Variants in TBC1D14 observed in about 807,000 individuals in gnomAD.
The protein encoded by TBC1D14 is TBC1 domain family, member 14.
TBC1D14 carries 26 observed loss-of-function variants against 79.0 expected under a neutral mutation model. The ratio of observed to expected loss-of-function variants is 0.33; its 90% CI spans 0.24 to 0.46. The LOEUF (loss-of-function observed/expected upper bound fraction) is 0.46, where lower values mean the gene tolerates loss of function less well. Among genes scored for constraint, TBC1D14 ranks in the 20% least tolerant of loss-of-function variants. TBC1D14 has a pLI of 1.00. For missense variants in TBC1D14, 769 were observed against 887.6 expected (o/e 0.87, Z 1.70); for synonymous variants, 394 against 349.9 (o/e 1.13, Z -1.40).
rs374338047 is a variant in TBC1D14 at position 6,987,008 on chromosome 4, T to G, written c.844-7176T>G. 1.2e-3 allele frequency among the ~76,000 whole-genome samples: 183 copies of G among 152,324 alleles called. 3 individuals carry two copies. The East Asian group carries it at 0.031, about 26-fold the overall frequency. ...CTCGGGTGATCTTTAAGGCAGAAGCTGGCTCTCCGCCTGTCGGCGCGCGTC... is the reference window on the plus strand; with the variant it reads ...CTCGGGTGATCTTTAAGGCAGAAGCGGGCTCTCCGCCTGTCGGCGCGCGTC... On this transcript the variant is annotated intron_variant, in intron 3 of 13. Transcript: ENST00000409757.
chr4:6,939,442 G>A (rs1191561588), intron 2 of TBC1D14, among the ~76,000 whole-genome samples: 10 of 151,828 alleles, frequency 6.6e-5, no homozygotes, highest in Non-Finnish European at 1.5e-4. Flanking sequence ...CGCACCCCTC[G>A]AGGGACTGCC....
chr4:6,953,862 C>T (rs894777761), intron 2 of TBC1D14, among the ~76,000 whole-genome samples: 1 of 152,146 alleles, frequency 6.6e-6, no homozygotes, highest in African/African-American at 2.4e-5. Context: ...TGCAGACGCT[C>T]AGGAAGCGCT....
chr4:7,020,665 A>G (rs948217981), intron 12 of TBC1D14, among the ~76,000 whole-genome samples: 6 of 152,152 alleles, frequency 3.9e-5, no homozygotes, highest in Non-Finnish European at 8.8e-5. Context: ...GCTTTTCCAC[A>G]GCCTCCCTTT....
intron 3 of TBC1D14, chr4:6,987,212 C>T: frequency 8.1e-7 from 1 of 1,237,934 alleles, no homozygotes; most frequent in Non-Finnish European, 1.0e-6. Flanking sequence ...GCCTGCCGCC[C>T]CGCCCCGCCC....
At chr4:6,913,552 G>A (rs1440047210) in intron 1 of TBC1D14, among the ~76,000 whole-genome samples, 1 of 152,158 alleles carries the variant, frequency 6.6e-6, no homozygotes, top group Non-Finnish European at 1.5e-5. Flanking sequence ...GCGTGACTTA[G>A]CCTCTCTGAA....
At chr4:7,014,039 G>A (rs996536773) in intron 11 of TBC1D14, among the ~76,000 whole-genome samples, 2 of 152,286 alleles carry the variant, frequency 1.3e-5, no homozygotes, top group African/African-American at 4.8e-5. Context: ...GTGAGCCACC[G>A]CACCCGGCCT....
At chr4:6,944,698 C>T (rs548505349) in intron 2 of TBC1D14, among the ~76,000 whole-genome samples, 68 of 152,312 alleles carry the variant, frequency 4.5e-4, no homozygotes, top group African/African-American at 1.6e-3. Context: ...TAGTCCTCCC[C>T]GGGTCCTCTG....
chr4:6,934,594 C>T (rs191272016), intron 2 of TBC1D14, among the ~76,000 whole-genome samples: 1 of 151,284 alleles, frequency 6.6e-6, no homozygotes, highest in Non-Finnish European at 1.5e-5. Flanking sequence ...GGAGGCAGAG[C>T]TTGCAGTGGG....
chr4:6,988,700 C>T (rs965639213), intron 3 of TBC1D14, among the ~76,000 whole-genome samples: 4 of 152,152 alleles, frequency 2.6e-5, no homozygotes, highest in African/African-American at 9.7e-5. Context: ...ATGACCCTTT[C>T]CTCTTCTAGG....
At chr4:6,918,162 G>C (rs1560239895) in intron 1 of TBC1D14, among the ~76,000 whole-genome samples, 1 of 152,184 alleles carries the variant, frequency 6.6e-6, no homozygotes, top group Non-Finnish European at 1.5e-5. Flanking sequence ...AGATGGCTTT[G>C]GGCTCTGCCA....
chr4:6,977,514 C>T (rs1304224853), intron 3 of TBC1D14, among the ~76,000 whole-genome samples: 6 of 149,238 alleles, frequency 4.0e-5, no homozygotes, highest in African/African-American at 9.9e-5. Flanking sequence ...CGCAAAGTGC[C>T]GAGATTGCAG....
At chr4:6,910,966 C>T (rs1247025720) in intron 1 of TBC1D14, among the ~76,000 whole-genome samples, 1 of 152,150 alleles carries the variant, frequency 6.6e-6, no homozygotes, top group Non-Finnish European at 1.5e-5. Flanking sequence ...TGCTCACTGT[C>T]TTGTCCCCAG....
chr4:6,911,626 C>G (rs1723001413), intron 1 of TBC1D14, among the ~76,000 whole-genome samples: 1 of 152,394 alleles, frequency 6.6e-6, no homozygotes, highest in Middle Eastern at 3.4e-3. Context: ...GTCTCCACCC[C>G]ACTCCCCGTT....
chr4:6,979,446 T>G (rs959537263), intron 3 of TBC1D14, among the ~76,000 whole-genome samples: 3 of 152,128 alleles, frequency 2.0e-5, no homozygotes, highest in African/African-American at 4.8e-5. Context: ...ATAAGCATAG[T>G]GAGACCCTGT....
intron 4 of TBC1D14, chr4:6,995,242 A>G (rs1359189319): frequency 6.6e-6 from 1 of 152,240 alleles, no homozygotes; most frequent in Admixed American, 6.5e-5. Context: ...ATCTGTGTAT[A>G]TGTCAAAAAA....
intron 3 of TBC1D14, chr4:6,987,079 CCCCGCCCCTTGTG>C: frequency 3.3e-6 from 3 of 916,800 alleles, no homozygotes; most frequent in Non-Finnish European, 4.1e-6. Flanking sequence ...GACGCCCCAG[CCCCGCCCCTTGTG>C]CCCGCCCCTC....
intron 2 of TBC1D14, among the ~76,000 whole-genome samples, chr4:6,925,503 T>C (rs1414226346): frequency 1.3e-5 from 2 of 152,140 alleles, no homozygotes; most frequent in South Asian, 4.1e-4. Flanking sequence ...ACATTACCAC[T>C]GCCTTAGTTG....
chr4:6,923,631 G>C lies in TBC1D14; in HGVS notation c.242G>C (p.Cys81Ser). The change falls in exon 2 of 14, where the codon TGC (cysteine) becomes TCC (serine). Residue 81 changes from cysteine (C) to serine (S), a missense_variant. Cys to Ser is a moderately radical substitution (Grantham distance 112, BLOSUM62 -1). Transcript: ENST00000409757. ...LEIGNPEPVP[C>S]SAVHVRRKQS... is the part of the protein sequence containing the mutation. ...ATCGGGAACCCGGAGCCTGTACCCT[G>C]CAGCGCGGTCCACGTGAGGAGGAAG... 6.2e-7 allele frequency: 1 copy of C among 1,613,978 alleles called. No homozygotes were observed. The highest frequency in any genetic ancestry group is 8.5e-7 in the Non-Finnish European group (1 of 1,180,032).
At chr4:6,955,775 C>G (rs1714574044) in intron 2 of TBC1D14, among the ~76,000 whole-genome samples, 1 of 152,152 alleles carries the variant, frequency 6.6e-6, no homozygotes, top group African/African-American at 2.4e-5. Context: ...GTGTCCGTGG[C>G]TTGTGGAACC....
Sources: allele counts gnomAD v4.1 joint callset (sites outside exome capture counted in the v4.1 genomes callset), GRCh38; gene constraint gnomAD v4.1.1; transcripts MANE v1.5; gene names NCBI Gene and HGNC (gene_info 2026-07-23, HGNC 2026-07-21).